The following BAZ2B variants were observed in gnomAD, a reference collection of about 807,000 sequenced individuals.
The protein encoded by BAZ2B is bromodomain adjacent to zinc finger domain 2B.
In BAZ2B, 91 loss-of-function variants were observed where a neutral mutation model predicts 246.0. That is an observed-to-expected ratio of 0.37 (90% CI 0.31 to 0.44). BAZ2B has a LOEUF of 0.44. BAZ2B is among the 20% of genes least tolerant of loss of function. The pLI is 1.00. For missense variants in BAZ2B, 2,332 were observed against 2,533.7 expected, an observed-to-expected ratio of 0.92 and a Z score of 1.71; for synonymous variants, 855 against 860.0, an observed-to-expected ratio of 0.99 and a Z score of 0.10.
At chr2:159,707,863 C>T in the BAZ2B span, among the ~76,000 whole-genome samples, 1 of 151,614 alleles carries the variant, frequency 6.6e-6, no homozygotes, top group Non-Finnish European at 1.5e-5. Flanking sequence ...TGGTGGCAGG[C>T]ACCTGTAATC....
chr2:159,353,466 T>C (rs2058767451), intron 27 of BAZ2B, among the ~76,000 whole-genome samples: 1 of 152,218 alleles, frequency 6.6e-6, no homozygotes, highest in Non-Finnish European at 1.5e-5. Context: ...AGGTGGAGCC[T>C]GGCAAACTCC....
chr2:159,320,100 T>A lies in BAZ2B; in HGVS notation c.*165A>T. Reference sequence around the variant, plus strand: ...CCGAGGGCCTTGGTTGTTGTAGGAATGAAGCCTTTAAAAATGGTATCATTC... The same window carrying A: ...CCGAGGGCCTTGGTTGTTGTAGGAAAGAAGCCTTTAAAAATGGTATCATTC... On this transcript the variant is annotated 3_prime_UTR_variant, in exon 37 of 37. Transcript: ENST00000392783. 3.3e-6 allele frequency: 2 copies of A among 604,480 alleles called. No homozygotes were observed. Among genetic ancestry groups the A allele is most frequent in the South Asian group, 8.9e-5 (2 of 22,496 alleles). The allele number at this position is 604,480 out of a possible 1,614,324, so 37.4% of individuals were successfully genotyped here. A position where few individuals can be genotyped will look rare whatever the true frequency, so the allele number is the denominator to read the frequency against.
At chr2:159,669,053 G>A in the BAZ2B span, among the ~76,000 whole-genome samples, 2 of 125,864 alleles carry the variant, frequency 1.6e-5, no homozygotes, top group Non-Finnish European at 3.4e-5. Flanking sequence ...AAGAGACTCC[G>A]TCTCAAAAAA....
chr2:159,649,279 C>T, the BAZ2B span, among the ~76,000 whole-genome samples: 60,991 of 151,666 alleles, frequency 0.4, 12,771 homozygotes, highest in African/African-American at 0.5. Context: ...TTTCCTGCAA[C>T]TAGATGGTCC....
intron 3 of BAZ2B, among the ~76,000 whole-genome samples, chr2:159,466,888 C>G (rs1319853707): frequency 6.6e-6 from 1 of 152,108 alleles, no homozygotes; most frequent in Non-Finnish European, 1.5e-5. Context: ...GGACAATGTG[C>G]TCTACTCACT....
chr2:159,531,789 T>C (rs1221449365), intron 2 of BAZ2B, among the ~76,000 whole-genome samples: 1 of 152,176 alleles, frequency 6.6e-6, no homozygotes, highest in African/African-American at 2.4e-5. Context: ...AGATGATACA[T>C]ATATCCCCAA....
At chr2:159,527,097 C>T (rs950463609) in intron 2 of BAZ2B, among the ~76,000 whole-genome samples, 15 of 151,808 alleles carry the variant, frequency 9.9e-5, no homozygotes, top group African/African-American at 3.6e-4. Context: ...TTTTTTTAGA[C>T]AGGGTCTTGC....
chr2:159,595,210 C>T (rs1265611176), intron 1 of BAZ2B, among the ~76,000 whole-genome samples: 1 of 151,918 alleles, frequency 6.6e-6, no homozygotes, highest in Admixed American at 6.6e-5. Context: ...TCAAGCGATT[C>T]TCCTGCCTCA....
chr2:159,602,685 T>C (rs1033856749), intron 1 of BAZ2B, among the ~76,000 whole-genome samples: 29 of 152,186 alleles, frequency 1.9e-4, no homozygotes, highest in African/African-American at 7.0e-4. Context: ...AAGGCTCTCT[T>C]TGCCACATAT....
chr2:159,352,583 T>C (rs1264154236), intron 27 of BAZ2B, among the ~76,000 whole-genome samples: 8 of 151,652 alleles, frequency 5.3e-5, no homozygotes, highest in South Asian at 2.1e-4. Flanking sequence ...CCTACCAAGC[T>C]CAAGTGATTC....
chr2:159,389,278 A>C, intron 21 of BAZ2B, 67 bp downstream of exon 21: 1 of 1,421,010 alleles, frequency 7.0e-7, no homozygotes. Flanking sequence ...TCTGGCAAAG[A>C]AATCAGGTAA....
At chr2:159,386,706 T>C (rs2062696955) in intron 21 of BAZ2B, 99 bp from the exon 22 acceptor site, 9 of 1,341,294 alleles carry the variant, frequency 6.7e-6, no homozygotes, top group Non-Finnish European at 8.9e-6. Flanking sequence ...CTACCTTTTT[T>C]CCCCTCTTGT....
intron 14 of BAZ2B, among the ~76,000 whole-genome samples, chr2:159,409,779 ATTAT>A (rs1339620918): frequency 6.6e-6 from 1 of 152,210 alleles, no homozygotes; most frequent in African/African-American, 2.4e-5. Context: ...ATATTAATAG[ATTAT>A]TTACTTACTG....
chr2:159,503,187 T>A (rs553018660), intron 2 of BAZ2B, among the ~76,000 whole-genome samples: 1 of 152,358 alleles, frequency 6.6e-6, no homozygotes, highest in East Asian at 1.9e-4. Context: ...CTATATCACC[T>A]GTATGATAAA....
intron 3 of BAZ2B, among the ~76,000 whole-genome samples, chr2:159,476,270 T>C (rs2078537377): frequency 6.6e-6 from 1 of 152,064 alleles, no homozygotes; most frequent in Non-Finnish European, 1.5e-5. Context: ...AAAAAAAAAT[T>C]ATTTTACCTA....
chr2:159,426,417 T>A (rs1164479656), intron 13 of BAZ2B, among the ~76,000 whole-genome samples: 1 of 152,148 alleles, frequency 6.6e-6, no homozygotes, highest in Non-Finnish European at 1.5e-5. Flanking sequence ...TTTAAAACGA[T>A]TAAAGTTTCT....
At chr2:159,462,230 C>A in intron 3 of BAZ2B, 1 of 509,714 alleles carries the variant, frequency 2.0e-6, no homozygotes, top group Non-Finnish European at 3.6e-6. Flanking sequence ...ACAAAAGAAT[C>A]AGACAATGCT....
chr2:159,490,216 C>T (rs2080290083), intron 2 of BAZ2B, among the ~76,000 whole-genome samples: 2 of 152,162 alleles, frequency 1.3e-5, no homozygotes, highest in African/African-American at 2.4e-5. Context: ...AGAAACCATA[C>T]ATCAAACAGA....
At chr2:159,454,270 T>A (rs2075447372) in intron 3 of BAZ2B, among the ~76,000 whole-genome samples, 1 of 152,200 alleles carries the variant, frequency 6.6e-6, no homozygotes, top group Non-Finnish European at 1.5e-5. Flanking sequence ...GCCATCCCAG[T>A]TTCAACATGC....
Sources: gnomAD v4.1 joint callset for allele counts (sites outside exome capture counted in the v4.1 genomes callset) on GRCh38, gnomAD v4.1.1 for gene constraint, MANE v1.5 for transcripts, NCBI Gene and HGNC (gene_info 2026-07-23, HGNC 2026-07-21) for gene names.